The following PITPNC1 variants were observed in gnomAD, a reference collection of about 807,000 sequenced individuals.
PITPNC1 encodes phosphatidylinositol transfer protein cytoplasmic 1.
Under a neutral mutation model 44.7 loss-of-function variants are expected in PITPNC1, and 18 were observed. The observed-to-expected ratio is 0.40, with a 90% confidence interval of 0.28 to 0.60. The LOEUF (loss-of-function observed/expected upper bound fraction) is 0.60. Among genes scored for constraint, PITPNC1 ranks in the 20% least tolerant of loss-of-function variants. The pLI, the probability that PITPNC1 is intolerant of heterozygous loss-of-function variation, is 0.39. For missense variants in PITPNC1, 290 were observed against 418.4 expected, an observed-to-expected ratio of 0.69 and a Z score of 2.68; for synonymous variants, 141 against 149.6, an observed-to-expected ratio of 0.94 and a Z score of 0.42.
intron 4 of PITPNC1, among the ~76,000 whole-genome samples, chr17:67,555,742 G>A (rs1337737284): frequency 6.6e-6 from 1 of 151,846 alleles, no homozygotes; most frequent in Non-Finnish European, 1.5e-5. Context: ...TACTTGGGAG[G>A]CTGAGACAGG....
intron 1 of PITPNC1, among the ~76,000 whole-genome samples, chr17:67,438,547 C>G (rs1288742673): frequency 1.3e-5 from 2 of 152,218 alleles, no homozygotes; most frequent in Admixed American, 1.3e-4. Context: ...AACTCCTGGC[C>G]TCAAGTAATC....
chr17:67,387,493 C>G (rs2038072544), intron 1 of PITPNC1, among the ~76,000 whole-genome samples: 1 of 152,014 alleles, frequency 6.6e-6, no homozygotes, highest in Non-Finnish European at 1.5e-5. Flanking sequence ...TGATGAAACC[C>G]CATCTCTACT....
intron 1 of PITPNC1, among the ~76,000 whole-genome samples, chr17:67,409,039 C>A (rs1186662656): frequency 1.4e-5 from 2 of 146,774 alleles, no homozygotes; most frequent in Non-Finnish European, 3.0e-5. Context: ...TTAATTTTTG[C>A]ATATGGTGTG....
chr17:67,437,789 C>T lies in PITPNC1; in HGVS notation c.48+59587C>T, dbSNP rs530774740. Among the ~76,000 whole-genome samples, 210 of 152,202 alleles carry T rather than the reference C, an allele frequency of 1.4e-3. 2 individuals are homozygous for T. In the South Asian group the frequency reaches 0.021, roughly 15 times the overall value. ...ATGAATGAATGAAAGGGCCCAAGGC[C>T]GAGTGCGGAGGCTCGGGCCTGTAAT... On this transcript the variant is annotated intron_variant, in intron 1 of 8. Transcript: ENST00000581322.
chr17:67,553,788 A>G (rs2144172363), intron 4 of PITPNC1, among the ~76,000 whole-genome samples, 171 bp downstream of exon 4: 1 of 152,334 alleles, frequency 6.6e-6, no homozygotes, highest in South Asian at 2.1e-4. Context: ...CAATAATTTG[A>G]ATGTTCTCAT....
At chr17:67,552,085 C>T (rs1021305678) in intron 2 of PITPNC1, among the ~76,000 whole-genome samples, 172 bp from the exon 3 acceptor site, 25 of 152,210 alleles carry the variant, frequency 1.6e-4, no homozygotes, top group African/African-American at 4.8e-4. Flanking sequence ...TGAATATGCA[C>T]GGGAAAAAGT....
At chr17:67,471,426 A>G (rs374847928) in intron 1 of PITPNC1, 22 of 347,392 alleles carry the variant, frequency 6.3e-5, no homozygotes, top group African/African-American at 4.4e-4. Context: ...GAACATTCAC[A>G]TACAAGTCCT....
rs149345398 is a variant in PITPNC1 at position 67,487,617 on chromosome 17, T to C, written c.49-45185T>C. ...GTTTAATCCAACTTCTGTTGAATGA[T>C]TGACTTCTCAGGGACTGTTAATTTG... On this transcript the variant is annotated intron_variant, in intron 1 of 8. Transcript: ENST00000581322. Among the ~76,000 whole-genome samples the C allele has an allele frequency of 5.0e-3, 755 of 152,326 alleles. 4 individuals are homozygous for C. Among genetic ancestry groups the C allele is most frequent in the African/African-American group, 0.017 (719 of 41,568 alleles).
intron 1 of PITPNC1, among the ~76,000 whole-genome samples, chr17:67,461,752 T>C (rs2039341445): frequency 6.6e-6 from 1 of 152,296 alleles, no homozygotes; most frequent in East Asian, 1.9e-4. Context: ...AGTCTGAGGC[T>C]GCAGTGAGCT....
chr17:67,652,558 C>A (rs1230333031), intron 6 of PITPNC1, among the ~76,000 whole-genome samples: 1 of 152,178 alleles, frequency 6.6e-6, no homozygotes, highest in East Asian at 1.9e-4. Flanking sequence ...TGGAGAGAAT[C>A]GGTAGCATCC....
At position 67,508,325 on chromosome 17, in the gene PITPNC1, C is replaced by T. The variant is rs917325094; in HGVS notation, c.49-24477C>T. 3.9e-5 allele frequency among the ~76,000 whole-genome samples: 6 copies of T among 152,192 alleles called. No homozygotes were observed. The highest frequency in any genetic ancestry group is 1.9e-4 in the East Asian group (1 of 5,200). On this transcript the variant is annotated intron_variant, in intron 1 of 8. Transcript: ENST00000581322. This position sits in a 1 kb window ranked among gnomAD's most constrained non-coding sequence, Gnocchi z 4.2. The stretch of plus-strand genomic sequence containing the variant: ...GAGGGCTGCTGGTTGCCCAGTTTTA[C>T]GGTTATTTCTTAATGATGTGCTAAA...
intron 7 of PITPNC1, 115 bp downstream of exon 7, chr17:67,669,778 A>G (rs913791136): frequency 1.3e-6 from 1 of 767,010 alleles, no homozygotes; most frequent in African/African-American, 1.8e-5. Context: ...TGCATCTCAA[A>G]AACACTTTTT....
At chr17:67,464,753 T>G (rs1194552770) in intron 1 of PITPNC1, among the ~76,000 whole-genome samples, 1 of 151,858 alleles carries the variant, frequency 6.6e-6, no homozygotes, top group Non-Finnish European at 1.5e-5. Flanking sequence ...ACTTTTTTTT[T>G]TTTTGAGACA....
chr17:67,568,039 CA>C (rs2041004086), intron 4 of PITPNC1, among the ~76,000 whole-genome samples: 1 of 152,122 alleles, frequency 6.6e-6, no homozygotes, highest in African/African-American at 2.4e-5. Flanking sequence ...GAAATCCACA[CA>C]AAAACTCGCA....
intron 5 of PITPNC1, among the ~76,000 whole-genome samples, chr17:67,589,861 G>A (rs1330594664): frequency 3.3e-5 from 5 of 152,186 alleles, no homozygotes; most frequent in Admixed American, 3.3e-4. Context: ...CCAGCTACTC[G>A]GGAGGCTGAA....
intron 4 of PITPNC1, among the ~76,000 whole-genome samples, chr17:67,574,222 T>C (rs2041103774): frequency 6.6e-6 from 1 of 152,194 alleles, no homozygotes; most frequent in African/African-American, 2.4e-5. Flanking sequence ...GTAAAATAAC[T>C]TGCCCAGGTT....
chr17:67,386,750 T>C (rs1002780754), intron 1 of PITPNC1, among the ~76,000 whole-genome samples: 2 of 152,198 alleles, frequency 1.3e-5, no homozygotes, highest in African/African-American at 2.4e-5. Flanking sequence ...GCCTGTTTTC[T>C]GTTGCCTGGA....
intron 5 of PITPNC1, among the ~76,000 whole-genome samples, chr17:67,610,304 TC>T (rs2041670704): frequency 6.6e-6 from 1 of 152,196 alleles, no homozygotes; most frequent in South Asian, 2.1e-4. Context: ...AAGGGCCTGT[TC>T]TGTGCAAGGA....
intron 2 of PITPNC1, among the ~76,000 whole-genome samples, chr17:67,540,412 T>G (rs148818591): frequency 6.6e-6 from 1 of 152,258 alleles, no homozygotes; most frequent in East Asian, 1.9e-4. Context: ...GCCTATTCCT[T>G]TTTTTAAAAG....
Sources: gnomAD v4.1 joint callset for allele counts (sites outside exome capture counted in the v4.1 genomes callset) on GRCh38, gnomAD v4.1.1 for gene constraint, Gnocchi (gnomAD v3.1) non-coding constraint, MANE v1.5 for transcripts, NCBI Gene and HGNC (gene_info 2026-07-23, HGNC 2026-07-21) for gene names.